The following ARMC9 variants were observed in gnomAD, a reference collection of about 807,000 sequenced individuals.
ARMC9 encodes lisH domain-containing protein ARMC9.
In ARMC9, 94 loss-of-function variants were observed where a neutral mutation model predicts 107.0. That is an observed-to-expected ratio of 0.88 (90% CI 0.74 to 1.04). The LOEUF (loss-of-function observed/expected upper bound fraction) is 1.04, where lower values mean the gene tolerates loss of function less well. Ranked by LOEUF, ARMC9 falls within the 50% of genes least tolerant of loss-of-function variation. The pLI, the probability that ARMC9 is intolerant of heterozygous loss-of-function variation, is 0.00. For missense variants in ARMC9, 942 were observed against 1,030.1 expected (o/e 0.91, Z 1.17); for synonymous variants, 380 against 396.9 (o/e 0.96, Z 0.51).
chr2:231,232,569 A>C (rs944057422), intron 7 of ARMC9, among the ~76,000 whole-genome samples: 1 of 151,574 alleles, frequency 6.6e-6, no homozygotes, highest in African/African-American at 2.4e-5. Flanking sequence ...CTCCTGTGTC[A>C]GCCTCCCAAG....
intron 20 of ARMC9, among the ~76,000 whole-genome samples, chr2:231,335,848 G>A (rs2044053880): frequency 6.6e-6 from 1 of 152,162 alleles, no homozygotes; most frequent in South Asian, 2.1e-4. Context: ...AGACGAGGTG[G>A]GAGGATCGCT....
At chr2:231,268,632 G>T (rs1199507468) in intron 12 of ARMC9, among the ~76,000 whole-genome samples, 1 of 152,124 alleles carries the variant, frequency 6.6e-6, no homozygotes, top group African/African-American at 2.4e-5. Flanking sequence ...TACACAGGAA[G>T]TAAATTTTTT....
In ARMC9 at chr2:231,255,094, A is replaced by C. The variant is rs187790629; in HGVS notation, c.880-1492A>C. Among the ~76,000 whole-genome samples, 1 of 152,242 alleles carries C rather than the reference A, an allele frequency of 6.6e-6. No homozygotes were observed. Among genetic ancestry groups the C allele is most frequent in the Admixed American group, 6.5e-5 (1 of 15,286 alleles). On this transcript the variant is annotated intron_variant, in intron 9 of 24. Transcript: ENST00000611582. This position sits in a 1 kb window ranked among gnomAD's most constrained non-coding sequence, Gnocchi z 4.7. Reference sequence around the variant, plus strand: ...CAGTTGGTTTATTTGAGTCAGTTCAAACAAGCACTACACACTGTATCTGCT... The same window carrying C: ...CAGTTGGTTTATTTGAGTCAGTTCACACAAGCACTACACACTGTATCTGCT...
In ARMC9 at chr2:231,222,799, G is replaced by A. The variant is rs750261615; in HGVS notation, c.576G>A (p.Thr192=). ...FLALISKASN[T]PKLLTIYKEN... ...CTTTAATATCTAAAGCCAGCAACACGCCAAAGCTTTTAACAATATATGTAT... is the reference window on the plus strand; with the variant it reads ...CTTTAATATCTAAAGCCAGCAACACACCAAAGCTTTTAACAATATATGTAT... The change falls in exon 6 of 25, where the codon ACG becomes ACA. Residue 192 remains threonine (T), a synonymous_variant. Coordinates refer to ENST00000611582, the MANE Select transcript of ARMC9 (RefSeq NM_001352754.2). 9.4e-6 allele frequency: 15 copies of A among 1,589,396 alleles called. No individual in the cohort carries two copies. In the South Asian group the frequency reaches 1.0e-4, roughly 11 times the overall value.
At chr2:231,345,432 C>A (rs938896422) in intron 21 of ARMC9, among the ~76,000 whole-genome samples, 1 of 152,196 alleles carries the variant, frequency 6.6e-6, no homozygotes, top group Non-Finnish European at 1.5e-5. Flanking sequence ...CTCGTCACAG[C>A]ACCAAGCCCT....
intron 20 of ARMC9, among the ~76,000 whole-genome samples, chr2:231,336,665 C>A (rs376790297): frequency 3.0e-4 from 46 of 152,338 alleles, no homozygotes; most frequent in African/African-American, 1.0e-3. Flanking sequence ...AAGTGAGAAC[C>A]CAAATTCATT....
chr2:231,278,914 A>G (rs1229873778), intron 16 of ARMC9, among the ~76,000 whole-genome samples: 3 of 152,152 alleles, frequency 2.0e-5, no homozygotes, highest in Admixed American at 6.5e-5. Flanking sequence ...GGACCTTTCT[A>G]TGTTGCTTTA....
intron 20 of ARMC9, among the ~76,000 whole-genome samples, chr2:231,339,243 G>A (rs1452450460): frequency 1.3e-5 from 2 of 152,008 alleles, no homozygotes; most frequent in Admixed American, 6.6e-5. Flanking sequence ...CAGGAGAATT[G>A]CTTGAACCTG....
intron 20 of ARMC9, among the ~76,000 whole-genome samples, chr2:231,335,099 G>A (rs764104719): frequency 2.6e-5 from 4 of 152,310 alleles, no homozygotes; most frequent in Admixed American, 6.5e-5. Flanking sequence ...CCAACACAGC[G>A]GAATGCCGAA....
intron 22 of ARMC9, 112 bp downstream of exon 22, chr2:231,356,046 T>G: frequency 7.4e-7 from 1 of 1,351,658 alleles, no homozygotes; most frequent in Non-Finnish European, 9.8e-7. Flanking sequence ...AGCCCTCTGG[T>G]CTCAGCAACA....
chr2:231,258,202 T>C (rs983108603), intron 10 of ARMC9, among the ~76,000 whole-genome samples: 1 of 152,192 alleles, frequency 6.6e-6, no homozygotes. Context: ...TTCTTTTCTT[T>C]GAGACGGAGT....
chr2:231,236,369 T>C (rs537984487), intron 8 of ARMC9, among the ~76,000 whole-genome samples: 28 of 152,368 alleles, frequency 1.8e-4, no homozygotes, highest in African/African-American at 6.3e-4. Flanking sequence ...CTATGGCCTA[T>C]GGGATAGTGT....
chr2:231,206,212 A>C lies in ARMC9; in HGVS notation c.-27A>C, dbSNP rs765740451. 17 of 1,605,662 alleles carry C rather than the reference A, an allele frequency of 1.1e-5. 1 individual carries two copies. The Admixed American group carries it at 2.5e-4, about 24-fold the overall frequency. ...TTGCCTTCTAGAGATTTTTGCTGTG[A>C]GAATTAATTACCAGTAACAGTTCAA... On this transcript the variant is annotated 5_prime_UTR_variant, in exon 2 of 25. Coordinates refer to ENST00000611582, the MANE Select transcript of ARMC9 (RefSeq NM_001352754.2).
chr2:231,343,676 T>C (rs892743731), intron 20 of ARMC9, among the ~76,000 whole-genome samples: 4 of 152,184 alleles, frequency 2.6e-5, no homozygotes, highest in African/African-American at 9.6e-5. Context: ...CAAAAAATTG[T>C]GGCAGAAAAA....
At chr2:231,365,734 T>C (rs1270434512) in intron 23 of ARMC9, among the ~76,000 whole-genome samples, 2 of 152,226 alleles carry the variant, frequency 1.3e-5, no homozygotes, top group East Asian at 3.9e-4. Flanking sequence ...ACAGCTCCCA[T>C]GCCATGGGCA....
chr2:231,350,464 G>A (rs1373123105), intron 21 of ARMC9, among the ~76,000 whole-genome samples: 1 of 151,826 alleles, frequency 6.6e-6, no homozygotes, highest in Non-Finnish European at 1.5e-5. Context: ...TCCTTGCTAG[G>A]AGAAACCTGA....
chr2:231,230,726 C>T (rs945403262), intron 7 of ARMC9, among the ~76,000 whole-genome samples: 3 of 152,198 alleles, frequency 2.0e-5, no homozygotes, highest in Non-Finnish European at 4.4e-5. Context: ...TTCCCATATA[C>T]ATTAAGTCAT....
chr2:231,236,775 C>T (rs2035753288), intron 8 of ARMC9, among the ~76,000 whole-genome samples: 1 of 152,086 alleles, frequency 6.6e-6, no homozygotes, highest in Admixed American at 6.5e-5. Flanking sequence ...GAAACCCCGT[C>T]TCTACTAAAA....
rs59575974 is a variant in ARMC9, at chr2:231,376,192, C to T, written c.*4657C>T. On this transcript the variant is annotated 3_prime_UTR_variant, in exon 25 of 25. Coordinates refer to ENST00000611582, the MANE Select transcript of ARMC9 (RefSeq NM_001352754.2). Reference sequence around the variant, plus strand: ...ACAAATTGTACAGCATGTGTGTTTGCGCAATATGAAATCTGAGCACCTTGA... The same window carrying T: ...ACAAATTGTACAGCATGTGTGTTTGTGCAATATGAAATCTGAGCACCTTGA... Among the ~76,000 whole-genome samples the T allele has an allele frequency of 2.0e-5, 3 of 151,946 alleles. No homozygotes were observed. The highest frequency in any genetic ancestry group is 2.1e-4 in the South Asian group (1 of 4,826).
Sources: allele counts gnomAD v4.1 joint callset (sites outside exome capture counted in the v4.1 genomes callset), GRCh38; gene constraint gnomAD v4.1.1; non-coding constraint Gnocchi (gnomAD v3.1); transcripts MANE v1.5; gene names NCBI Gene and HGNC (gene_info 2026-07-23, HGNC 2026-07-21).